Variants in IL1RAPL1 observed in about 807,000 individuals in gnomAD.
IL1RAPL1 encodes the protein interleukin-1 receptor accessory protein-like 1.
A neutral mutation model predicts 48.4 loss-of-function variants in IL1RAPL1; 3 were observed. The observed-to-expected ratio is 0.06, with a 90% confidence interval of 0.03 to 0.16. The LOEUF is 0.16. Ranked by LOEUF, IL1RAPL1 falls within the 10% of genes least tolerant of loss-of-function variation. The probability of loss-of-function intolerance (pLI) is 1.00; values close to 1 mark genes in which losing one functional copy is unlikely to be tolerated. For missense variants in IL1RAPL1, 349 were observed against 530.6 expected, an observed-to-expected ratio of 0.66 and a Z score of 3.36; for synonymous variants, 185 against 187.7, an observed-to-expected ratio of 0.99 and a Z score of 0.12.
At chrX:29,541,483 A>T (rs1424779609) in intron 5 of IL1RAPL1, among the ~76,000 whole-genome samples, 1 of 111,734 alleles carries the variant, frequency 8.9e-6, no homozygotes, top group Admixed American at 9.5e-5. Context: ...ATGCACCCAC[A>T]TGTTCATCCC....
At chrX:28,983,049 T>C (rs1301892342) in intron 2 of IL1RAPL1, 6 of 111,951 alleles carry the variant, frequency 5.4e-5, no homozygotes, top group Non-Finnish European at 9.4e-5. Context: ...TCATATAATG[T>C]AAATATGTTT....
chrX:29,941,483 T>C (rs1933126346), intron 8 of IL1RAPL1, among the ~76,000 whole-genome samples, 168 bp from the exon 9 acceptor site: 1 of 112,280 alleles, frequency 8.9e-6, no homozygotes, highest in Non-Finnish European at 1.9e-5. Flanking sequence ...GAAACAGAGC[T>C]AGAAAGTTAT....
At chrX:29,240,387 A>G (rs928463502) in intron 2 of IL1RAPL1, among the ~76,000 whole-genome samples, 5 of 105,178 alleles carry the variant, frequency 4.8e-5, no homozygotes, top group Admixed American at 1.0e-4. Flanking sequence ...GGCGCACGCC[A>G]CCTCACCCGG....
chrX:29,418,392 C>T (rs1934250570), intron 5 of IL1RAPL1, among the ~76,000 whole-genome samples: 1 of 108,648 alleles, frequency 9.2e-6, no homozygotes, highest in Non-Finnish European at 1.9e-5. Context: ...TCCCAAAGTG[C>T]TGGGATTACA....
chrX:29,236,535 C>CTTTTTTTTT (rs759738945), intron 2 of IL1RAPL1, among the ~76,000 whole-genome samples: 4 of 59,010 alleles, frequency 6.8e-5, no homozygotes, highest in East Asian at 8.8e-4. Flanking sequence ...CTTTCTTTTT[C>CTTTTTTTTT]TTTTTTTTTC....
intron 5 of IL1RAPL1, among the ~76,000 whole-genome samples, chrX:29,634,730 A>G (rs1602337929): frequency 8.9e-6 from 1 of 111,836 alleles, no homozygotes; most frequent in East Asian, 2.8e-4. Flanking sequence ...TCTGCACACA[A>G]AGCTTCCATT....
chrX:29,509,260 C>T (rs1044154944), intron 5 of IL1RAPL1, among the ~76,000 whole-genome samples: 27 of 112,134 alleles, frequency 2.4e-4, no homozygotes, highest in Admixed American at 2.3e-3. Flanking sequence ...AAAGCCTCAG[C>T]TCTGCTCTTA....
intron 6 of IL1RAPL1, among the ~76,000 whole-genome samples, chrX:29,895,706 A>C (rs1456566145): frequency 8.9e-6 from 1 of 112,634 alleles, no homozygotes; most frequent in Non-Finnish European, 1.9e-5. Context: ...ATTGTTTACC[A>C]AGATAGGAAC....
At chrX:28,998,397 A>T (rs996116840) in intron 2 of IL1RAPL1, among the ~76,000 whole-genome samples, 1 of 111,711 alleles carries the variant, frequency 9.0e-6, no homozygotes, top group East Asian at 2.8e-4. Flanking sequence ...TCCTTCTTCA[A>T]TATGTCATCA....
chrX:29,883,417 G>A lies in IL1RAPL1; in HGVS notation c.779-34047G>A, dbSNP rs1425444892. Among the ~76,000 whole-genome samples, 3 of 111,981 alleles carry A rather than the reference G, an allele frequency of 2.7e-5. No individual in the cohort carries two copies. In the East Asian group the frequency reaches 8.4e-4, roughly 31 times the overall value. On this transcript the variant is annotated intron_variant, in intron 6 of 10. Transcript: ENST00000378993. The stretch of plus-strand genomic sequence containing the variant: ...GCAGAAACTTGATATATGAAGTCCA[G>A]ATCCAAGAGAGAATTTTATTACATT...
intron 1 of IL1RAPL1, among the ~76,000 whole-genome samples, chrX:28,772,301 T>C (rs892038042): frequency 7.2e-5 from 8 of 111,717 alleles, no homozygotes; most frequent in African/African-American, 2.0e-4. Context: ...TGCATGATGT[T>C]GATGAGAAAC....
chrX:28,641,837 T>C (rs1192364553), intron 1 of IL1RAPL1, among the ~76,000 whole-genome samples: 1 of 111,684 alleles, frequency 9.0e-6, no homozygotes, highest in African/African-American at 3.3e-5. Flanking sequence ...GAGTGTTTTT[T>C]TTCATATGCT....
At chrX:29,453,942 T>C (rs1373149865) in intron 5 of IL1RAPL1, among the ~76,000 whole-genome samples, 1 of 112,520 alleles carries the variant, frequency 8.9e-6, no homozygotes, top group Non-Finnish European at 1.9e-5. Context: ...TTGAATTGGG[T>C]ATTTAACTCA....
chrX:29,098,890 C>T (rs1234152189), intron 2 of IL1RAPL1, among the ~76,000 whole-genome samples: 3 of 112,329 alleles, frequency 2.7e-5, no homozygotes, highest in African/African-American at 9.7e-5. Context: ...GAGGCTCACG[C>T]CTGTAATCCC....
chrX:29,865,847 A>C (rs1377237885), intron 6 of IL1RAPL1, among the ~76,000 whole-genome samples: 1 of 97,966 alleles, frequency 1.0e-5, no homozygotes, highest in Non-Finnish European at 2.0e-5. Context: ...AAGGGGTCTC[A>C]CCATGTTGGT....
intron 6 of IL1RAPL1, among the ~76,000 whole-genome samples, chrX:29,800,264 C>T (rs979303555): frequency 9.0e-6 from 1 of 110,925 alleles, no homozygotes; most frequent in Non-Finnish European, 1.9e-5. Context: ...CACATGACCA[C>T]TGAACCCTCA....
chrX:29,850,537 G>A (rs1005177111), intron 6 of IL1RAPL1, among the ~76,000 whole-genome samples: 1 of 112,364 alleles, frequency 8.9e-6, no homozygotes, highest in Non-Finnish European at 1.9e-5. Context: ...CATGGTTCAC[G>A]GCTGCCACAA....
intron 6 of IL1RAPL1, among the ~76,000 whole-genome samples, chrX:29,851,786 C>T (rs765701350): frequency 9.0e-6 from 1 of 111,285 alleles, no homozygotes; most frequent in Non-Finnish European, 1.9e-5. Flanking sequence ...TTCCCCACTA[C>T]CATGCCCATA....
chrX:29,883,464 C>T (rs1932070462), intron 6 of IL1RAPL1, among the ~76,000 whole-genome samples: 2 of 108,813 alleles, frequency 1.8e-5, no homozygotes, highest in Admixed American at 1.9e-4. Context: ...GAGAGAAGTA[C>T]ATTAGACCAT....
Sources: gnomAD v4.1 joint callset for allele counts (sites outside exome capture counted in the v4.1 genomes callset) on GRCh38, gnomAD v4.1.1 for gene constraint, MANE v1.5 for transcripts, NCBI Gene and HGNC (gene_info 2026-07-23, HGNC 2026-07-21) for gene names.